Variants in NRXN1 observed in about 807,000 individuals in gnomAD.
NRXN1 encodes neurexin 1.
In NRXN1, 39 loss-of-function variants were observed where a neutral mutation model predicts 150.9. The observed-to-expected ratio is 0.26, with a 90% confidence interval of 0.20 to 0.34. The LOEUF is 0.34. Ranked by LOEUF, NRXN1 falls within the 10% of genes least tolerant of loss-of-function variation. The pLI, the probability that NRXN1 is intolerant of heterozygous loss-of-function variation, is 1.00. For missense variants in NRXN1, 1,815 were observed against 1,949.9 expected (o/e 0.93, Z 1.30); for synonymous variants, 924 against 757.0 (o/e 1.22, Z -3.62).
At chr2:50,464,897 T>C (rs543317120) in intron 17 of NRXN1, among the ~76,000 whole-genome samples, 5 of 151,996 alleles carry the variant, frequency 3.3e-5, no homozygotes, top group African/African-American at 9.6e-5. Flanking sequence ...CATGCTTATA[T>C]TGTAATACTT....
At chr2:50,414,383 C>A (rs894276619) in intron 17 of NRXN1, among the ~76,000 whole-genome samples, 1 of 151,704 alleles carries the variant, frequency 6.6e-6, no homozygotes, top group African/African-American at 2.4e-5. Context: ...AAAAACATAC[C>A]TTTTTTGGGG....
intron 17 of NRXN1, among the ~76,000 whole-genome samples, chr2:50,256,507 A>G (rs972630975): frequency 5.9e-5 from 9 of 152,136 alleles, no homozygotes; most frequent in African/African-American, 2.2e-4. Flanking sequence ...TGATACTTCA[A>G]TAACCTATTG....
chr2:50,878,038 G>T (rs1678867508), intron 5 of NRXN1, among the ~76,000 whole-genome samples: 1 of 151,932 alleles, frequency 6.6e-6, no homozygotes, highest in Non-Finnish European at 1.5e-5. Flanking sequence ...AGGTTTGCCT[G>T]CTTGCTCCTC....
At chr2:50,388,311 T>C (rs758867599) in intron 17 of NRXN1, among the ~76,000 whole-genome samples, 3 of 152,210 alleles carry the variant, frequency 2.0e-5, no homozygotes, top group Non-Finnish European at 2.9e-5. Flanking sequence ...ATAATGTACC[T>C]ACATTTCTAA....
chr2:50,318,508 T>A (rs915064028), intron 17 of NRXN1, among the ~76,000 whole-genome samples: 3 of 152,070 alleles, frequency 2.0e-5, no homozygotes, highest in African/African-American at 7.2e-5. Flanking sequence ...GCACTGTTTG[T>A]AAGAGCAAAC....
intron 17 of NRXN1, among the ~76,000 whole-genome samples, chr2:50,462,104 C>T (rs986641604): frequency 6.6e-6 from 1 of 151,862 alleles, no homozygotes; most frequent in African/African-American, 2.4e-5. Flanking sequence ...ATTTGAAATT[C>T]TTCTGCAAGA....
At chr2:50,323,303 T>C (rs1285205129) in intron 17 of NRXN1, among the ~76,000 whole-genome samples, 2 of 152,148 alleles carry the variant, frequency 1.3e-5, no homozygotes, top group South Asian at 4.1e-4. Context: ...AACAAAATAA[T>C]TTGCATTTCT....
intron 8 of NRXN1, among the ~76,000 whole-genome samples, chr2:50,560,614 T>G (rs1447002160): frequency 2.6e-5 from 4 of 152,070 alleles, no homozygotes; most frequent in Non-Finnish European, 5.9e-5. Flanking sequence ...GGATTTTTAG[T>G]AGAGACGGGG....
At chr2:50,547,023 A>T (rs1286066916) in intron 9 of NRXN1, among the ~76,000 whole-genome samples, 1 of 148,944 alleles carries the variant, frequency 6.7e-6, no homozygotes, top group Non-Finnish European at 1.5e-5. Context: ...CTGGTAATAG[A>T]TAGCTAGAAA....
At chr2:50,222,842 C>G (rs940364201) in intron 18 of NRXN1, among the ~76,000 whole-genome samples, 5 of 151,748 alleles carry the variant, frequency 3.3e-5, no homozygotes, top group Non-Finnish European at 7.4e-5. Flanking sequence ...CTATACTATA[C>G]ACAAAAAAGA....
At chr2:50,912,269 C>A (rs1165676982) in intron 5 of NRXN1, 1 of 151,696 alleles carries the variant, frequency 6.6e-6, no homozygotes, top group African/African-American at 2.4e-5. Flanking sequence ...GAATAAAATC[C>A]TCTGTTAAGT....
intron 5 of NRXN1, among the ~76,000 whole-genome samples, chr2:50,759,116 A>G (rs964454166): frequency 6.6e-6 from 1 of 151,972 alleles, no homozygotes. Context: ...TAAACTGGAA[A>G]AGAATTTTAA....
Position 50,346,730 on chromosome 2 carries a change from C to CA in NRXN1, c.3365-109761dup. On this transcript the variant is annotated intron_variant, in intron 17 of 22. Coordinates refer to ENST00000401669, the MANE Select transcript of NRXN1 (RefSeq NM_001330078.2). This position sits in a 1 kb window ranked among gnomAD's most constrained non-coding sequence, Gnocchi z 5.0. ...AAGGATGCCGGTGACCTGTAGATTG[C>CA]AATAGGCACTGAATGATGCTTGCTG... 6.2e-7 allele frequency: 1 copy of CA among 1,613,904 alleles called. No homozygotes were observed. The highest frequency in any genetic ancestry group is 8.5e-7 in the Non-Finnish European group (1 of 1,179,936).
At chr2:50,557,644 G>A (rs553053178) in intron 8 of NRXN1, among the ~76,000 whole-genome samples, 2 of 152,224 alleles carry the variant, frequency 1.3e-5, no homozygotes, top group South Asian at 2.1e-4. Context: ...ATAATAAATT[G>A]TATTTTAGTT....
intron 2 of NRXN1, among the ~76,000 whole-genome samples, chr2:51,009,469 A>G (rs1405419261): frequency 1.3e-5 from 2 of 151,946 alleles, no homozygotes; most frequent in Non-Finnish European, 2.9e-5. Context: ...GACAAAAGGA[A>G]TGGGAAGGAG....
intron 10 of NRXN1, among the ~76,000 whole-genome samples, chr2:50,537,548 G>A (rs1225046580): frequency 1.3e-5 from 2 of 152,146 alleles, no homozygotes; most frequent in African/African-American, 4.8e-5. Context: ...AAAATAAAAT[G>A]TGGGTTTGCC....
At chr2:50,322,117 G>A (rs2076084229) in intron 17 of NRXN1, among the ~76,000 whole-genome samples, 1 of 151,672 alleles carries the variant, frequency 6.6e-6, no homozygotes, top group African/African-American at 2.4e-5. Context: ...CCTACTACCT[G>A]GTCAGATGTT....
intron 5 of NRXN1, among the ~76,000 whole-genome samples, chr2:50,909,923 A>T (rs950572930): frequency 2.6e-5 from 4 of 152,018 alleles, no homozygotes; most frequent in Non-Finnish European, 5.9e-5. Flanking sequence ...TTTAAAAATA[A>T]ATTAAAGAAA....
chr2:50,347,069 G>T lies in NRXN1; in HGVS notation c.3365-110099C>A, dbSNP rs200170668. On this transcript the variant is annotated intron_variant, in intron 17 of 22. Transcript: ENST00000401669. This position sits in a 1 kb window ranked among gnomAD's most constrained non-coding sequence, Gnocchi z 4.9. Reference sequence around the variant, plus strand: ...GCTGAGGGGCCGGCCGCCTCACCGCGCCAGGGCACCCATCCTCTCCCTCCT... The same window carrying T: ...GCTGAGGGGCCGGCCGCCTCACCGCTCCAGGGCACCCATCCTCTCCCTCCT... 1.0e-5 allele frequency: 14 copies of T among 1,380,524 alleles called. No individual in the cohort carries two copies. Among genetic ancestry groups the T allele is most frequent in the Non-Finnish European group, 1.2e-5 (13 of 1,052,176 alleles). The allele number at this position is 1,380,524 out of a possible 1,614,324, so 85.5% of individuals were successfully genotyped here. A position where few individuals can be genotyped will look rare whatever the true frequency, so the allele number is the denominator to read the frequency against.
Sources: gnomAD v4.1 joint callset for allele counts (sites outside exome capture counted in the v4.1 genomes callset) on GRCh38, gnomAD v4.1.1 for gene constraint, Gnocchi (gnomAD v3.1) non-coding constraint, MANE v1.5 for transcripts, NCBI Gene and HGNC (gene_info 2026-07-23, HGNC 2026-07-21) for gene names.